The following PLEKHA8 variants were observed in gnomAD, a reference collection of about 807,000 sequenced individuals.
The protein encoded by PLEKHA8 is pleckstrin homology domain-containing family A member 8.
A neutral mutation model predicts 68.2 loss-of-function variants in PLEKHA8; 36 were observed. The ratio of observed to expected loss-of-function variants is 0.53; its 90% CI spans 0.40 to 0.70. The LOEUF (loss-of-function observed/expected upper bound fraction) is 0.70, where lower values mean the gene tolerates loss of function less well. PLEKHA8 is among the 30% of genes least tolerant of loss of function. The probability of loss-of-function intolerance (pLI) is 0.00; values close to 1 mark genes in which losing one functional copy is unlikely to be tolerated. For synonymous variants in PLEKHA8, 211 were observed against 216.1 expected (o/e 0.98, Z 0.20); for missense variants, 505 against 615.4 (o/e 0.82, Z 1.90).
chr7:30,090,408 G>A (rs528433113), exon 13 of PLEKHA8: 33 of 482,366 alleles, frequency 6.8e-5, no homozygotes, highest in African/African-American at 6.0e-4. Flanking sequence ...TCTTAAGCAG[G>A]TAAGAACTCA....
intron 13 of PLEKHA8, among the ~76,000 whole-genome samples, chr7:30,103,080 A>AAG (rs544861316): frequency 2.0e-5 from 3 of 151,892 alleles, no homozygotes; most frequent in Non-Finnish European, 2.9e-5. Context: ...AAAAAAAAGA[A>AAG]AGAGAGAGAG....
At chr7:30,036,410 A>G (rs1364916389) in intron 1 of PLEKHA8, among the ~76,000 whole-genome samples, 1 of 7,826 alleles carries the variant, frequency 1.3e-4, no homozygotes. Context: ...AGGATAGAAT[A>G]GATAGATAGA....
At chr7:30,041,660 G>T (rs540672683) in intron 1 of PLEKHA8, among the ~76,000 whole-genome samples, 1 of 152,194 alleles carries the variant, frequency 6.6e-6, no homozygotes, top group African/African-American at 2.4e-5. Context: ...CTCCTAAAGT[G>T]CTGGGATTAC....
chr7:30,062,755 T>C lies in PLEKHA8; in HGVS notation c.1300+13T>C. On this transcript the variant is annotated intron_variant, in intron 12 of 13. Coordinates refer to ENST00000449726, the MANE Select transcript of PLEKHA8 (RefSeq NM_001197026.2). ...CAGACAGCCCTAAGTAAGTGTTCTTTATGTTTTGTTGAATGAGTCAATAGA... is the reference window on the plus strand; with the variant it reads ...CAGACAGCCCTAAGTAAGTGTTCTTCATGTTTTGTTGAATGAGTCAATAGA... 1 of 1,601,688 alleles carries C rather than the reference T, an allele frequency of 6.2e-7. No individual in the cohort carries two copies. Among genetic ancestry groups the C allele is most frequent in the Non-Finnish European group, 8.6e-7 (1 of 1,169,048 alleles).
In PLEKHA8 at chr7:30,028,791, A is replaced by G. The variant is rs1055911429; in HGVS notation, c.29A>G (p.Asn10Ser). Residue 10 changes from asparagine to serine, a missense_variant, in exon 1 of 14, where the codon AAC (asparagine) becomes AGC (serine). Asn to Ser is a conservative substitution (Grantham distance 46, BLOSUM62 1). Transcript: ENST00000449726. MEGVLYKWT[N>S]YLSGWQPRWF... is the part of the protein sequence containing the mutation. ...GAGGGGGTGCTGTACAAGTGGACCA[A>G]CTATCTGAGCGGTGAGTGGCCGTGC... 1 of 1,272,108 alleles carries G rather than the reference A, an allele frequency of 7.9e-7. No individual in the cohort carries two copies. The highest frequency in any genetic ancestry group is 1.0e-6 in the Non-Finnish European group (1 of 1,003,196). The allele number at this position is 1,272,108 out of a possible 1,614,324, so 78.8% of individuals were successfully genotyped here.
chr7:30,129,556 C>G (rs190961965), downstream of PLEKHA8: 24 of 525,274 alleles, frequency 4.6e-5, no homozygotes, highest in Admixed American at 6.3e-4. Context: ...CCTGATTTAA[C>G]AAAATCTAGA....
chr7:30,041,081 T>C (rs752065333), intron 1 of PLEKHA8, among the ~76,000 whole-genome samples: 2 of 152,200 alleles, frequency 1.3e-5, no homozygotes, highest in Admixed American at 6.5e-5. Flanking sequence ...TTCTCTACAA[T>C]TCATCATTCC....
chr7:30,088,643 A>T (rs1449091329), downstream of PLEKHA8, among the ~76,000 whole-genome samples: 24 of 152,226 alleles, frequency 1.6e-4, no homozygotes. Flanking sequence ...AAATTCAAAA[A>T]GTAAAACTCA....
downstream of PLEKHA8, among the ~76,000 whole-genome samples, chr7:30,086,232 T>G (rs1795176174): frequency 6.6e-6 from 1 of 152,184 alleles, no homozygotes; most frequent in South Asian, 2.1e-4. Context: ...CTGAAGTCAG[T>G]CTGTATGGGC....
chr7:30,055,009 T>C, intron 8 of PLEKHA8, 144 bp downstream of exon 8: 2 of 871,498 alleles, frequency 2.3e-6, no homozygotes, highest in Non-Finnish European at 3.5e-6. Context: ...CTGTTTACTC[T>C]TTCTTACCAA....
chr7:30,112,205 T>C (rs1028470052), intron 13 of PLEKHA8, among the ~76,000 whole-genome samples: 3 of 152,152 alleles, frequency 2.0e-5, no homozygotes, highest in African/African-American at 7.2e-5. Flanking sequence ...AACGGCATAA[T>C]TGACAGAAAG....
intron 13 of PLEKHA8, chr7:30,117,907 C>A: frequency 1.7e-6 from 2 of 1,149,712 alleles, no homozygotes; most frequent in South Asian, 1.4e-5. Flanking sequence ...ATTGCCAAGA[C>A]TTTATTCATA....
Position 30,062,688 on chromosome 7 carries a change from A to G in PLEKHA8, c.1246A>G (p.Lys416Glu). 1 of 1,612,712 alleles carries G rather than the reference A, an allele frequency of 6.2e-7. No individual in the cohort carries two copies. Among genetic ancestry groups the G allele is most frequent in the Non-Finnish European group, 8.5e-7 (1 of 1,178,786 alleles). The change falls in exon 12 of 14, where the codon AAG becomes GAG. Residue 416 changes from lysine (K) to glutamate (E), a missense_variant. Lys to Glu is a moderately conservative substitution (Grantham distance 56, BLOSUM62 1). Coordinates refer to ENST00000449726, the MANE Select transcript of PLEKHA8 (RefSeq NM_001197026.2). The stretch of plus-strand genomic sequence containing the variant: ...TTGTTTTAGAGGTCTCAAATTTTTG[A>G]AGGGATTTTTGACAGAAGTGAAAAA... ...LWLKRGLKFL[K>E]GFLTEVKNGE... is the part of the protein sequence containing the mutation.
intron 12 of PLEKHA8, among the ~76,000 whole-genome samples, chr7:30,067,088 C>T (rs2127991594): frequency 6.6e-6 from 1 of 152,338 alleles, no homozygotes; most frequent in East Asian, 1.9e-4. Context: ...TAACAAAGGG[C>T]ATCTCTGGGT....
chr7:30,115,194 G>A (rs1270199207), intron 13 of PLEKHA8, among the ~76,000 whole-genome samples: 2 of 152,164 alleles, frequency 1.3e-5, no homozygotes, highest in Non-Finnish European at 2.9e-5. Flanking sequence ...TTTTAAGGCA[G>A]TATGGCAGGA....
At chr7:30,074,001 A>T in intron 12 of PLEKHA8, 70 bp from the exon 13 acceptor site, 1 of 1,284,594 alleles carries the variant, frequency 7.8e-7, no homozygotes, top group Non-Finnish European at 1.1e-6. Flanking sequence ...AAAAAAAAAA[A>T]GTACATTATA....
chr7:30,042,628 G>A (rs1195407781), intron 1 of PLEKHA8, among the ~76,000 whole-genome samples: 2 of 152,178 alleles, frequency 1.3e-5, no homozygotes, highest in South Asian at 2.1e-4. Context: ...GAAAGATAGA[G>A]TTTTCTTCCC....
In PLEKHA8 at chr7:30,074,128, T is replaced by C. The variant is rs1028534595; in HGVS notation, c.1358T>C (p.Phe453Ser). Reference protein sequence around the residue: ...QHHGWVVRGVFALALRAAPSY... With the variant: ...QHHGWVVRGVSALALRAAPSY... The stretch of plus-strand genomic sequence containing the variant: ...CATGGCTGGGTAGTTCGAGGGGTTT[T>C]TGCGGTAAGTGATCCTTCTTGTCTC... Residue 453 changes from phenylalanine (F) to serine (S), a missense_variant, in exon 13 of 14, where the codon TTT (phenylalanine) becomes TCT (serine). Physicochemically the swap from Phe to Ser is radical, Grantham distance 155. Coordinates refer to ENST00000449726, the MANE Select transcript of PLEKHA8 (RefSeq NM_001197026.2). 1 of 1,612,730 alleles carries C rather than the reference T, an allele frequency of 6.2e-7. No individual in the cohort carries two copies. The highest frequency in any genetic ancestry group is 1.3e-5 in the African/African-American group (1 of 74,836).
chr7:30,079,536 A>G lies in PLEKHA8; in HGVS notation c.*749A>G, dbSNP rs537631481. The G allele has an allele frequency of 3.1e-4, 293 of 944,692 alleles. 3 individuals are homozygous for G. In the South Asian group the frequency reaches 0.013, roughly 40 times the overall value. The allele number at this position is 944,692 out of a possible 1,614,324, so 58.5% of individuals were successfully genotyped here. A position where few individuals can be genotyped will look rare whatever the true frequency, so the allele number is the denominator to read the frequency against. On this transcript the variant is annotated 3_prime_UTR_variant, in exon 14 of 14. Coordinates refer to ENST00000449726, the MANE Select transcript of PLEKHA8 (RefSeq NM_001197026.2). Reference sequence around the variant, plus strand: ...CCATTTACCAGCATGTTCCCCATGCATTATCTCAATTGGACATCACAAGTA... The same window carrying G: ...CCATTTACCAGCATGTTCCCCATGCGTTATCTCAATTGGACATCACAAGTA...
Sources: allele counts gnomAD v4.1 joint callset (sites outside exome capture counted in the v4.1 genomes callset), GRCh38; gene constraint gnomAD v4.1.1; transcripts MANE v1.5; gene names NCBI Gene and HGNC (gene_info 2026-07-23, HGNC 2026-07-21).